Variants in CNOT10 observed in about 807,000 individuals in gnomAD.
CNOT10 encodes the protein CCR4-NOT transcription complex, subunit 10.
In CNOT10, 30 loss-of-function variants were observed where a neutral mutation model predicts 94.6. The ratio of observed to expected loss-of-function variants is 0.32; its 90% CI spans 0.24 to 0.43. CNOT10 has a LOEUF of 0.43. Among genes scored for constraint, CNOT10 ranks in the 20% least tolerant of loss-of-function variants. The pLI, the probability that CNOT10 is intolerant of heterozygous loss-of-function variation, is 1.00. For missense variants in CNOT10, 759 were observed against 877.2 expected (o/e 0.87, Z 1.70); for synonymous variants, 289 against 301.6 (o/e 0.96, Z 0.43).
At chr3:32,754,506 A>ATATATATT (rs1700131606) in intron 13 of CNOT10, among the ~76,000 whole-genome samples, 1 of 104,414 alleles carries the variant, frequency 9.6e-6, no homozygotes, top group African/African-American at 4.4e-5. Flanking sequence ...ATATATATAT[A>ATATATATT]TATTTATTTT....
rs1696543271 is a variant in CNOT10, at chr3:32,685,211, G to A, written c.-250G>A. On this transcript the variant is annotated 5_prime_UTR_variant, in exon 1 of 19. Coordinates refer to ENST00000328834, the MANE Select transcript of CNOT10 (RefSeq NM_015442.3). Reference sequence around the variant, plus strand: ...GTAGTGGGTACCGGGACGCCGTGAGGCGGAAGCTGTGTATGGCGGGAGGCT... The same window carrying A: ...GTAGTGGGTACCGGGACGCCGTGAGACGGAAGCTGTGTATGGCGGGAGGCT... 1 of 428,728 alleles carries A rather than the reference G, an allele frequency of 2.3e-6. No individual in the cohort carries two copies. The highest frequency in any genetic ancestry group is 4.2e-6 in the Non-Finnish European group (1 of 236,316). The allele number at this position is 428,728 out of a possible 1,614,324, so 26.6% of individuals were successfully genotyped here. A position where few individuals can be genotyped will look rare whatever the true frequency, so the allele number is the denominator to read the frequency against.
At chr3:32,739,648 G>A (rs1462739565) in intron 13 of CNOT10, among the ~76,000 whole-genome samples, 1 of 152,120 alleles carries the variant, frequency 6.6e-6, no homozygotes, top group Non-Finnish European at 1.5e-5. Context: ...TAGGCCAGGT[G>A]CAGTGGCTCA....
intron 13 of CNOT10, among the ~76,000 whole-genome samples, chr3:32,752,105 A>G (rs1215869326): frequency 2.6e-5 from 4 of 152,146 alleles, no homozygotes; most frequent in African/African-American, 9.7e-5. Context: ...CCTGACCAAC[A>G]TAGAGAAACC....
At chr3:32,728,735 T>C (rs1698797059) in intron 10 of CNOT10, among the ~76,000 whole-genome samples, 1 of 152,200 alleles carries the variant, frequency 6.6e-6, no homozygotes, top group South Asian at 2.1e-4. Flanking sequence ...AACAGTGGTC[T>C]GCTAGCTGCT....
At position 32,750,561 on chromosome 3, in the gene CNOT10, C is replaced by CT. The variant is rs202094586; in HGVS notation, c.1596-8888dup. On this transcript the variant is annotated intron_variant, in intron 13 of 18. Transcript: ENST00000328834. ...ATAACAATATTTCTTTTTTCTTTTT[C>CT]TTTTTTTTTGAGACAGAGTCTCACT... 6.8e-4 allele frequency among the ~76,000 whole-genome samples: 103 copies of CT among 151,004 alleles called. 4 individuals are homozygous for CT. In the East Asian group the frequency reaches 0.018, roughly 26 times the overall value.
intron 7 of CNOT10, among the ~76,000 whole-genome samples, chr3:32,718,366 C>T (rs1485889731): frequency 1.4e-5 from 2 of 147,614 alleles, no homozygotes; most frequent in African/African-American, 5.0e-5. Flanking sequence ...GGGCGGATCA[C>T]GAGGTCAGGA....
At chr3:32,709,696 C>T (rs1351365926) in intron 4 of CNOT10, among the ~76,000 whole-genome samples, 1 of 151,340 alleles carries the variant, frequency 6.6e-6, no homozygotes, top group Admixed American at 6.6e-5. Flanking sequence ...GGAGAGACAC[C>T]AGTGGTAAGG....
At chr3:32,757,345 A>G (rs1325208832) in intron 13 of CNOT10, among the ~76,000 whole-genome samples, 1 of 151,580 alleles carries the variant, frequency 6.6e-6, no homozygotes, top group East Asian at 2.0e-4. Flanking sequence ...ACACCCAGCC[A>G]ATTTTGTATT....
chr3:32,762,390 C>A (rs1326638801), intron 14 of CNOT10, among the ~76,000 whole-genome samples: 3 of 151,952 alleles, frequency 2.0e-5, no homozygotes, highest in African/African-American at 7.2e-5. Context: ...CCACCTCAGC[C>A]TCCTGAGTAG....
At chr3:32,740,945 A>G (rs529475765) in intron 13 of CNOT10, among the ~76,000 whole-genome samples, 9 of 151,990 alleles carry the variant, frequency 5.9e-5, no homozygotes, top group African/African-American at 7.2e-5. Flanking sequence ...GCCTCAAGCA[A>G]TCCTCCCACC....
At position 32,708,674 on chromosome 3, in the gene CNOT10, A is replaced by G. The variant is rs762432623; in HGVS notation, c.284A>G (p.His95Arg). The G allele has an allele frequency of 6.2e-7, 1 of 1,610,758 alleles. No homozygotes were observed. ...QTLNQLKNQV[H>R]SAVEEMDGLD... ...CCTCTGTTGATTGCTTTATAGGTCC[A>G]CTCAGCTGTTGAAGAAATGGATGGA... The change falls in exon 4 of 19, where the codon CAC becomes CGC. Residue 95 changes from histidine (H) to arginine (R), a missense_variant. Coordinates refer to ENST00000328834, the MANE Select transcript of CNOT10 (RefSeq NM_015442.3).
chr3:32,707,972 G>C (rs1169957423), intron 3 of CNOT10, among the ~76,000 whole-genome samples: 1 of 152,098 alleles, frequency 6.6e-6, no homozygotes, highest in Non-Finnish European at 1.5e-5. Context: ...TGCAGCCTCT[G>C]CCTTTTGGAT....
chr3:32,690,983 A>G (rs1444409063), intron 1 of CNOT10, among the ~76,000 whole-genome samples: 4 of 142,978 alleles, frequency 2.8e-5, no homozygotes, highest in Non-Finnish European at 4.5e-5. Flanking sequence ...TGCTTCCTCT[A>G]TCACTAGCTA....
chr3:32,722,621 C>G (rs1011035610), intron 8 of CNOT10, among the ~76,000 whole-genome samples: 5 of 152,142 alleles, frequency 3.3e-5, no homozygotes, highest in Admixed American at 3.3e-4. Context: ...TCCAGTGAAT[C>G]ATGATCATGC....
chr3:32,773,352 C>G, intron 18 of CNOT10, 105 bp from the exon 19 acceptor site: 1 of 1,158,668 alleles, frequency 8.6e-7, no homozygotes, highest in Non-Finnish European at 1.2e-6. Flanking sequence ...CAGATGACAG[C>G]TCTTCTAGAT....
At chr3:32,743,381 G>A (rs546002694) in intron 13 of CNOT10, among the ~76,000 whole-genome samples, 1 of 152,198 alleles carries the variant, frequency 6.6e-6, no homozygotes, top group African/African-American at 2.4e-5. Flanking sequence ...TGTAATCCCA[G>A]CACTTTGGGA....
Position 32,704,029 on chromosome 3 carries a change from T to C in CNOT10, c.117+67T>C, listed in dbSNP as rs1453119209. ...CTGTCAAGTATGAATCTTTTCATAGTGAATTTTTAAATTTACAATTTTTAC... is the reference window on the plus strand; with the variant it reads ...CTGTCAAGTATGAATCTTTTCATAGCGAATTTTTAAATTTACAATTTTTAC... On this transcript the variant is annotated intron_variant, in intron 2 of 18. Coordinates refer to ENST00000328834, the MANE Select transcript of CNOT10 (RefSeq NM_015442.3). The C allele has an allele frequency of 6.2e-6, 6 of 967,612 alleles. No homozygotes were observed. The African/African-American group carries it at 9.9e-5, about 16-fold the overall frequency. 59.9% of individuals were successfully genotyped at this position (967,612 alleles called of 1,614,324 possible). A position where few individuals can be genotyped will look rare whatever the true frequency, so the allele number is the denominator to read the frequency against.
At chr3:32,770,600 C>T (rs896217734) in intron 18 of CNOT10, among the ~76,000 whole-genome samples, 1 of 151,938 alleles carries the variant, frequency 6.6e-6, no homozygotes. Flanking sequence ...GCTTGGATTA[C>T]AGGCGTGAGC....
intron 13 of CNOT10, among the ~76,000 whole-genome samples, chr3:32,754,494 A>G (rs1700129480): frequency 1.7e-5 from 1 of 58,592 alleles, no homozygotes; most frequent in Admixed American, 1.8e-4. Context: ...AAAAAAATAC[A>G]TATATATATA....
Sources: allele counts gnomAD v4.1 joint callset (sites outside exome capture counted in the v4.1 genomes callset), GRCh38; gene constraint gnomAD v4.1.1; transcripts MANE v1.5; gene names NCBI Gene and HGNC (gene_info 2026-07-23, HGNC 2026-07-21).